MCTP1: variants seen among roughly 807,000 people sequenced by gnomAD.
MCTP1 encodes multiple C2 and transmembrane domain-containing protein 1.
A neutral mutation model predicts 120.6 loss-of-function variants in MCTP1; 69 were observed. The observed-to-expected ratio is 0.57, with a 90% CI of 0.47 to 0.70. MCTP1 has a LOEUF of 0.70. Ranked by LOEUF, MCTP1 falls within the 30% of genes least tolerant of loss-of-function variation. MCTP1 has a pLI of 0.00. For synonymous variants in MCTP1, 529 were observed against 493.1 expected (o/e 1.07, Z -0.96); for missense variants, 1,203 against 1,248.8 (o/e 0.96, Z 0.55).
At chr5:95,008,920 C>T (rs1382536045) in intron 2 of MCTP1, among the ~76,000 whole-genome samples, 1 of 151,940 alleles carries the variant, frequency 6.6e-6, no homozygotes, top group Non-Finnish European at 1.5e-5. Flanking sequence ...GTCTTAGATA[C>T]TGGGAAGGCT....
intron 2 of MCTP1, among the ~76,000 whole-genome samples, chr5:94,971,635 G>A (rs1581638486): frequency 6.6e-6 from 1 of 151,880 alleles, no homozygotes; most frequent in African/African-American, 2.4e-5. Flanking sequence ...TTCAATAATG[G>A]TATTATTTCC....
chr5:94,723,956 C>T (rs1210218183), intron 19 of MCTP1, among the ~76,000 whole-genome samples: 1 of 151,816 alleles, frequency 6.6e-6, no homozygotes, highest in Admixed American at 6.6e-5. Context: ...GAGAGGAAAA[C>T]ACGGAAAGAG....
intron 18 of MCTP1, among the ~76,000 whole-genome samples, chr5:94,788,189 G>A (rs1778160296): frequency 6.6e-6 from 1 of 152,148 alleles, no homozygotes; most frequent in Non-Finnish European, 1.5e-5. Context: ...AACTGATAGA[G>A]TATACTAGTT....
intron 18 of MCTP1, among the ~76,000 whole-genome samples, chr5:94,780,029 A>G (rs1255971455): frequency 6.6e-6 from 1 of 152,156 alleles, no homozygotes; most frequent in Non-Finnish European, 1.5e-5. Context: ...ACATACACAT[A>G]TGCATGCCAC....
At chr5:95,001,516 T>C (rs1259614498) in intron 2 of MCTP1, among the ~76,000 whole-genome samples, 1 of 152,180 alleles carries the variant, frequency 6.6e-6, no homozygotes, top group Non-Finnish European at 1.5e-5. Context: ...GATAGTAATA[T>C]GGACAATGAT....
chr5:94,790,081 TTTA>T (rs1030805291), intron 18 of MCTP1, among the ~76,000 whole-genome samples: 2 of 152,138 alleles, frequency 1.3e-5, no homozygotes, highest in African/African-American at 4.8e-5. Flanking sequence ...TGTTGTGATT[TTTA>T]TTGTTATGAT....
chr5:94,718,087 G>A (rs1292177391), intron 19 of MCTP1, among the ~76,000 whole-genome samples: 1 of 152,142 alleles, frequency 6.6e-6, no homozygotes, highest in Admixed American at 6.6e-5. Flanking sequence ...CAAAGCTGGA[G>A]GCATCATGCT....
At chr5:94,915,239 A>ATC (rs1454474284) in intron 8 of MCTP1, among the ~76,000 whole-genome samples, 1 of 152,230 alleles carries the variant, frequency 6.6e-6, no homozygotes, top group Non-Finnish European at 1.5e-5. Flanking sequence ...GATGGAACTC[A>ATC]GAGTGGTTGT....
At chr5:94,875,605 G>C (rs189511292) in intron 12 of MCTP1, among the ~76,000 whole-genome samples, 1 of 152,172 alleles carries the variant, frequency 6.6e-6, no homozygotes, top group Admixed American at 6.5e-5. Flanking sequence ...CAATAATCTA[G>C]GTGGTGGAAC....
chr5:95,021,444 T>C (rs373888572), intron 1 of MCTP1, among the ~76,000 whole-genome samples: 3 of 152,222 alleles, frequency 2.0e-5, no homozygotes, highest in South Asian at 4.1e-4. Context: ...TTAAGTATTT[T>C]CCTTTAAGGA....
At chr5:95,025,196 C>T (rs914448737) in intron 1 of MCTP1, among the ~76,000 whole-genome samples, 20 of 152,014 alleles carry the variant, frequency 1.3e-4, no homozygotes, top group African/African-American at 3.9e-4. Flanking sequence ...ATCAAAACAA[C>T]GAGGTACTGA....
At chr5:94,773,125 T>A (rs1561610062) in intron 19 of MCTP1, among the ~76,000 whole-genome samples, 1 of 152,178 alleles carries the variant, frequency 6.6e-6, no homozygotes, top group Non-Finnish European at 1.5e-5. Context: ...CCTTCCCTGA[T>A]TTTTAATCTT....
chr5:95,239,522 TCAAA>T (rs1279692556), intron 1 of MCTP1, among the ~76,000 whole-genome samples: 1 of 152,104 alleles, frequency 6.6e-6, no homozygotes, highest in Non-Finnish European at 1.5e-5. Flanking sequence ...CTTGTGAAAA[TCAAA>T]CAAAACAGAA....
Position 94,781,528 on chromosome 5 carries a change from A to C in MCTP1, c.2557-2365T>G, listed in dbSNP as rs186329591. Among the ~76,000 whole-genome samples the C allele has an allele frequency of 4.3e-4, 65 of 152,314 alleles. No individual in the cohort carries two copies. The East Asian group carries it at 4.4e-3, about 10-fold the overall frequency. On this transcript the variant is annotated intron_variant, in intron 18 of 22. Transcript: ENST00000515393. The stretch of plus-strand genomic sequence containing the variant: ...TCAATGATGCAGATTTATAAAAGCA[A>C]ATATTCAAAATGCTTTCAAACATTT...
intron 19 of MCTP1, among the ~76,000 whole-genome samples, chr5:94,769,198 A>G (rs1003357217): frequency 1.3e-5 from 2 of 152,168 alleles, no homozygotes; most frequent in Admixed American, 6.5e-5. Context: ...GTCTCATAGA[A>G]GTGAAAAGTA....
intron 1 of MCTP1, among the ~76,000 whole-genome samples, chr5:95,126,045 G>A (rs1758604295): frequency 6.6e-6 from 1 of 152,098 alleles, no homozygotes; most frequent in South Asian, 2.1e-4. Context: ...AAAGAACAGA[G>A]CTGACCTATG....
At chr5:94,817,816 T>A (rs959899785) in intron 17 of MCTP1, among the ~76,000 whole-genome samples, 6 of 152,220 alleles carry the variant, frequency 3.9e-5, no homozygotes, top group African/African-American at 9.7e-5. Context: ...TGTTGGCCGA[T>A]CCATCATCTC....
intron 19 of MCTP1, among the ~76,000 whole-genome samples, chr5:94,729,181 G>A (rs1762665692): frequency 6.6e-6 from 1 of 152,158 alleles, no homozygotes; most frequent in Admixed American, 6.5e-5. Flanking sequence ...CAAACAAAGG[G>A]AATTGAACAC....
chr5:95,014,285 A>G (rs1231470008), intron 2 of MCTP1, among the ~76,000 whole-genome samples: 1 of 151,830 alleles, frequency 6.6e-6, no homozygotes, highest in Non-Finnish European at 1.5e-5. Context: ...CAAAAAATCC[A>G]TGATTTATGA....
Sources: gnomAD v4.1 joint callset for allele counts (sites outside exome capture counted in the v4.1 genomes callset) on GRCh38, gnomAD v4.1.1 for gene constraint, MANE v1.5 for transcripts, NCBI Gene and HGNC (gene_info 2026-07-23, HGNC 2026-07-21) for gene names.